The following C1orf105 variants were observed in gnomAD, a reference collection of about 807,000 sequenced individuals.
The protein encoded by C1orf105 is chromosome 1 open reading frame 105, also known as uncharacterized protein C1orf105.
In C1orf105, 17 loss-of-function variants were observed where a neutral mutation model predicts 20.8. That is an observed-to-expected ratio of 0.82 (90% CI 0.56 to 1.23). The LOEUF is 1.23. Ranked by LOEUF, C1orf105 falls within the 50% of genes most tolerant of loss-of-function variation. C1orf105 has a pLI of 0.00. For missense variants in C1orf105, 219 were observed against 213.5 expected, an observed-to-expected ratio of 1.03 and a Z score of -0.16; for synonymous variants, 72 against 72.1, an observed-to-expected ratio of 1.00 and a Z score of 0.01.
chr1:172,438,127 A>G (rs1022577041), intron 1 of C1orf105, among the ~76,000 whole-genome samples: 6 of 122,452 alleles, frequency 4.9e-5, no homozygotes, highest in Admixed American at 1.4e-4. Flanking sequence ...TACTGCTCAG[A>G]AAAAAAAAAG....
intron 6 of C1orf105, 136 bp downstream of exon 6, chr1:172,465,499 T>C: frequency 1.3e-6 from 1 of 750,886 alleles, no homozygotes; most frequent in Non-Finnish European, 2.3e-6. Flanking sequence ...CTTTCACGTA[T>C]TGTCTTTTGA....
chr1:172,428,860 T>C, intron 1 of C1orf105: 2 of 693,022 alleles, frequency 2.9e-6, no homozygotes, highest in Middle Eastern at 2.3e-4. Flanking sequence ...TTATTGACAA[T>C]AAATTCCTGA....
chr1:172,468,399 T>C (rs758860916), intron 6 of C1orf105, 50 bp from the exon 7 acceptor site: 2 of 1,404,802 alleles, frequency 1.4e-6, no homozygotes, highest in South Asian at 3.5e-5. Flanking sequence ...TCTTTAAGAA[T>C]AGAATCTAAG....
intron 1 of C1orf105, chr1:172,443,820 T>G (rs1375866740): frequency 6.5e-6 from 2 of 306,280 alleles, no homozygotes; most frequent in Non-Finnish European, 1.0e-5. Context: ...GGGGACGGGG[T>G]AGGGTAGGGT....
chr1:172,430,652 G>C (rs1156615085), intron 1 of C1orf105, among the ~76,000 whole-genome samples: 10 of 151,868 alleles, frequency 6.6e-5, no homozygotes. Flanking sequence ...TGTTGCCCAG[G>C]CTCGTCTCAA....
chr1:172,422,707 C>T (rs1250513339), intron 1 of C1orf105, among the ~76,000 whole-genome samples: 2 of 151,938 alleles, frequency 1.3e-5, no homozygotes, highest in South Asian at 2.1e-4. Flanking sequence ...CAGTCCTTGG[C>T]TCTTGGATGG....
chr1:172,437,758 A>AAT (rs1553259031), intron 1 of C1orf105, among the ~76,000 whole-genome samples: 2 of 149,246 alleles, frequency 1.3e-5, no homozygotes, highest in South Asian at 2.1e-4. Flanking sequence ...TAATAATAAT[A>AAT]AACAAAACGA....
chr1:172,443,928 G>A, intron 1 of C1orf105: 2 of 987,298 alleles, frequency 2.0e-6, no homozygotes, highest in Non-Finnish European at 2.4e-6. Flanking sequence ...TTGGGTCTGC[G>A]GGAGGCAGCA....
At chr1:172,460,745 A>G (rs1258524939) in intron 4 of C1orf105, among the ~76,000 whole-genome samples, 1 of 152,232 alleles carries the variant, frequency 6.6e-6, no homozygotes. Flanking sequence ...CAATATAAAC[A>G]GAAATAGATC....
chr1:172,462,795 T>C (rs978723301), intron 5 of C1orf105, among the ~76,000 whole-genome samples: 3 of 152,170 alleles, frequency 2.0e-5, no homozygotes, highest in African/African-American at 7.2e-5. Context: ...CTTTTTGAGA[T>C]GGAGTCTCTC....
Position 172,467,134 on chromosome 1 carries a change from C to A in C1orf105, c.407-1315C>A, listed in dbSNP as rs556264231. 3.9e-5 allele frequency among the ~76,000 whole-genome samples: 6 copies of A among 152,334 alleles called. No individual in the cohort carries two copies. In the East Asian group the frequency reaches 1.2e-3, roughly 29 times the overall value. On this transcript the variant is annotated intron_variant, in intron 6 of 6. Coordinates refer to ENST00000367727, the MANE Select transcript of C1orf105 (RefSeq NM_139240.4). ...TTGACTGACCCAGGAAAACTGCTGACACTGCCCCATCCCCACTGGATTATA... is the reference window on the plus strand; with the variant it reads ...TTGACTGACCCAGGAAAACTGCTGAAACTGCCCCATCCCCACTGGATTATA...
intron 4 of C1orf105, among the ~76,000 whole-genome samples, chr1:172,460,939 A>G (rs888091159): frequency 2.6e-5 from 4 of 152,244 alleles, no homozygotes; most frequent in African/African-American, 9.6e-5. Flanking sequence ...GTTCATTCAT[A>G]CAATAGCGCT....
chr1:172,440,740 T>C (rs2072193952), intron 1 of C1orf105, among the ~76,000 whole-genome samples: 1 of 152,206 alleles, frequency 6.6e-6, no homozygotes, highest in Non-Finnish European at 1.5e-5. Flanking sequence ...AGTAGTCTTA[T>C]GTTGCCTGCA....
At position 172,462,197 on chromosome 1, in the gene C1orf105, A is replaced by G. The variant is rs143730012; in HGVS notation, c.293A>G (p.Lys98Arg). 52 of 1,609,592 alleles carry G rather than the reference A, an allele frequency of 3.2e-5. No homozygotes were observed. The African/African-American group carries it at 6.4e-4, about 20-fold the overall frequency. Residue 98 changes from lysine to arginine, a missense_variant, in exon 5 of 7, where the codon AAA becomes AGA. Physicochemically the swap from Lys to Arg is conservative, Grantham distance 26. Transcript: ENST00000367727. ...EMKMVQPRTMKIPDDPKASFE... is the reference protein window; with the variant it reads ...EMKMVQPRTMRIPDDPKASFE... ...CTTGAGGTACAACCAAGAACAATGA[A>G]AATCCCAGATGATCCAAAAGCATCC...
intron 1 of C1orf105, chr1:172,441,837 T>C (rs774372183): frequency 2.5e-6 from 4 of 1,613,996 alleles, no homozygotes; most frequent in South Asian, 2.2e-5. Context: ...GACACAGACA[T>C]GAGATAGACA....
chr1:172,441,991 G>A (rs1647361328), intron 1 of C1orf105: 1 of 1,614,178 alleles, frequency 6.2e-7, no homozygotes, highest in East Asian at 2.2e-5. Context: ...GGGCCACAGG[G>A]CAAAAATCTG....
chr1:172,452,885 G>A, intron 3 of C1orf105: 2 of 1,475,942 alleles, frequency 1.4e-6, no homozygotes, highest in Non-Finnish European at 1.8e-6. Context: ...GCATTGTACT[G>A]TGAATGTGGA....
intron 6 of C1orf105, among the ~76,000 whole-genome samples, chr1:172,467,283 T>G (rs1650134391): frequency 6.6e-6 from 1 of 152,230 alleles, no homozygotes; most frequent in South Asian, 2.1e-4. Context: ...TGAACAACAT[T>G]ACTGCCAATG....
rs1220114562 is a variant in C1orf105 at position 172,426,564 on chromosome 1, T to C, written c.21+5658T>C. On this transcript the variant is annotated intron_variant, in intron 1 of 6. Coordinates refer to ENST00000367727, the MANE Select transcript of C1orf105 (RefSeq NM_139240.4). Reference sequence around the variant, plus strand: ...TTTCTTGACTTCACTCTTTCAATGGTCTTTTTTTTTTTCTTCTACTTGAGT... The same window carrying C: ...TTTCTTGACTTCACTCTTTCAATGGCCTTTTTTTTTTTCTTCTACTTGAGT... 2.7e-5 allele frequency among the ~76,000 whole-genome samples: 4 copies of C among 150,784 alleles called. No homozygotes were observed. In the East Asian group the frequency reaches 7.7e-4, roughly 29 times the overall value.
Sources: gnomAD v4.1 joint callset for allele counts (sites outside exome capture counted in the v4.1 genomes callset) on GRCh38, gnomAD v4.1.1 for gene constraint, MANE v1.5 for transcripts, NCBI Gene and HGNC (gene_info 2026-07-23, HGNC 2026-07-21) for gene names.